Variants in ABI3BP observed in about 807,000 individuals in gnomAD.
ABI3BP encodes the protein ABI family member 3 binding protein.
ABI3BP carries 216 observed loss-of-function variants against 268.6 expected under a neutral mutation model. The observed-to-expected ratio is 0.80, with a 90% CI of 0.72 to 0.90. The LOEUF is 0.90. Ranked by LOEUF, ABI3BP falls within the 40% of genes least tolerant of loss-of-function variation. The pLI, the probability that ABI3BP is intolerant of heterozygous loss-of-function variation, is 0.00. For missense variants in ABI3BP, 2,090 were observed against 2,182.4 expected (o/e 0.96, Z 0.84); for synonymous variants, 730 against 730.0 (o/e 1.00, Z 0.00).
Position 100,833,153 on chromosome 3 carries a change from A to G in ABI3BP, c.2286T>C (p.Phe762=), listed in dbSNP as rs1304708362. 2.0e-6 allele frequency: 3 copies of G among 1,534,540 alleles called. No individual in the cohort carries two copies. Among genetic ancestry groups the G allele is most frequent in the Non-Finnish European group, 2.6e-6 (3 of 1,145,892 alleles). Residue 762 remains phenylalanine, a synonymous_variant, in exon 30 of 68, where the codon TTT becomes TTC. Transcript: ENST00000471714. ...AAGATGTCCCAGGAGTAATAGGTCCAAAGTCTGTAGCAAGAAATGATCAAA... is the reference window on the plus strand; with the variant it reads ...AAGATGTCCCAGGAGTAATAGGTCCGAAGTCTGTAGCAAGAAATGATCAAA... ...RPETLQTKLD[F]GPITPGTSSA...
At chr3:100,962,740 G>T (rs1358359150) in intron 1 of ABI3BP, among the ~76,000 whole-genome samples, 3 of 152,080 alleles carry the variant, frequency 2.0e-5, no homozygotes, top group African/African-American at 7.2e-5. Flanking sequence ...CTCTCCATAA[G>T]CTCAAACTCA....
At chr3:100,895,252 A>G (rs1169839962) in intron 4 of ABI3BP, among the ~76,000 whole-genome samples, 5 of 152,114 alleles carry the variant, frequency 3.3e-5, no homozygotes, top group Non-Finnish European at 1.5e-5. Context: ...ATTAAGAATA[A>G]AAACTGTAAA....
chr3:100,881,833 A>T (rs1242211000), intron 6 of ABI3BP, among the ~76,000 whole-genome samples: 3 of 152,164 alleles, frequency 2.0e-5, no homozygotes, highest in African/African-American at 7.2e-5. Context: ...CAATATTGAA[A>T]ACATTTAACA....
intron 1 of ABI3BP, among the ~76,000 whole-genome samples, chr3:100,986,127 T>A (rs2091681401): frequency 6.6e-6 from 1 of 152,156 alleles, no homozygotes; most frequent in South Asian, 2.1e-4. Context: ...TACATTTTGA[T>A]GAAGCAAGTG....
chr3:100,777,644 G>C (rs1560004174), intron 59 of ABI3BP, among the ~76,000 whole-genome samples: 1 of 152,148 alleles, frequency 6.6e-6, no homozygotes, highest in Non-Finnish European at 1.5e-5. Context: ...AGGAGTCAGG[G>C]GAGGTTTTTA....
At chr3:100,927,571 T>C (rs1399797083) in intron 1 of ABI3BP, among the ~76,000 whole-genome samples, 1 of 152,156 alleles carries the variant, frequency 6.6e-6, no homozygotes, top group Non-Finnish European at 1.5e-5. Context: ...CAGGGAACTT[T>C]CATGGCAGAA....
At chr3:100,821,213 T>C in intron 38 of ABI3BP, 100 bp from the exon 39 acceptor site, 3 of 949,040 alleles carry the variant, frequency 3.2e-6, no homozygotes, top group Non-Finnish European at 4.7e-6. Flanking sequence ...ATACAGCTTA[T>C]AGAATTATAT....
At chr3:100,756,554 C>T (rs964109301) in intron 63 of ABI3BP, among the ~76,000 whole-genome samples, 7 of 152,064 alleles carry the variant, frequency 4.6e-5, no homozygotes, top group Non-Finnish European at 2.9e-5. Flanking sequence ...ACAAAAAAGC[C>T]CATAGAACTA....
In ABI3BP at chr3:100,909,389, A is replaced by AT. The variant is rs368200260; in HGVS notation, c.260-6704_260-6703insA. Among the ~76,000 whole-genome samples the AT allele has an allele frequency of 4.2e-3, 643 of 152,202 alleles. 4 individuals are homozygous for AT. Among genetic ancestry groups the AT allele is most frequent in the African/African-American group, 0.014 (596 of 41,552 alleles). On this transcript the variant is annotated intron_variant, in intron 2 of 67. Transcript: ENST00000471714. ...CTAAAACACCAAAAGCAATGGCAAAAAAAAAAAGCCAAAATAGTCAAATGG... is the reference window on the plus strand; with the variant it reads ...CTAAAACACCAAAAGCAATGGCAAAATAAAAAAAGCCAAAATAGTCAAATGG...
chr3:100,922,553 T>C (rs2021419), intron 2 of ABI3BP, among the ~76,000 whole-genome samples: 40,644 of 145,604 alleles, frequency 0.28, 6,682 homozygotes, highest in East Asian at 0.49. Flanking sequence ...ATGGTGATGG[T>C]GATGGCGATG....
chr3:100,841,194 C>CTTTTTTTTTTTTTTTTTTTTTTTTTTT (rs60261694), intron 21 of ABI3BP, among the ~76,000 whole-genome samples: 1 of 39,606 alleles, frequency 2.5e-5, no homozygotes, highest in Non-Finnish European at 4.3e-5. Flanking sequence ...CATTAGAACA[C>CTTTTTTTTTTTTTTTTTTTTTTTTTTT]TTTTTTTTTT....
At position 100,908,115 on chromosome 3, in the gene ABI3BP, TAAAAAAA is replaced by T. The variant is rs370167303; in HGVS notation, c.260-5436_260-5430del. On this transcript the variant is annotated intron_variant, in intron 2 of 67. Coordinates refer to ENST00000471714, the MANE Select transcript of ABI3BP (RefSeq NM_001375547.2). ...TGGGTGACAGAGCAAAGACTCTGTC[TAAAAAAA>T]AAAAAAAGAAAAAAGAAAAAAAAGT... 4.0e-4 allele frequency among the ~76,000 whole-genome samples: 47 copies of T among 118,266 alleles called. No homozygotes were observed. The East Asian group carries it at 7.0e-3, about 18-fold the overall frequency. 77.6% of individuals were successfully genotyped at this position (118,266 alleles called of 152,430 possible). A position where few individuals can be genotyped will look rare whatever the true frequency, so the allele number is the denominator to read the frequency against.
Position 100,850,132 on chromosome 3 carries a change from A to G in ABI3BP, c.1427-13T>C. ...GTTTCACTTGGAGCTGAAAGCACAA[A>G]CACCCCAACCCATCAAATAATCCCA... On this transcript the variant is annotated splice_polypyrimidine_tract_variant and intron_variant, in intron 16 of 67. Coordinates refer to ENST00000471714, the MANE Select transcript of ABI3BP (RefSeq NM_001375547.2). 1.2e-6 allele frequency: 2 copies of G among 1,600,864 alleles called. No homozygotes were observed. Among genetic ancestry groups the G allele is most frequent in the Non-Finnish European group, 1.7e-6 (2 of 1,173,068 alleles).
At chr3:100,917,190 A>G (rs2058865749) in intron 2 of ABI3BP, among the ~76,000 whole-genome samples, 1 of 152,160 alleles carries the variant, frequency 6.6e-6, no homozygotes, top group Non-Finnish European at 1.5e-5. Context: ...GGAAGGTGAG[A>G]CTCAGCTCTG....
intron 49 of ABI3BP, among the ~76,000 whole-genome samples, chr3:100,809,316 G>A (rs1456109278): frequency 1.3e-5 from 2 of 151,900 alleles, no homozygotes; most frequent in Admixed American, 6.6e-5. Context: ...CTCACAGTTC[G>A]TGATTTTCTG....
intron 1 of ABI3BP, among the ~76,000 whole-genome samples, chr3:100,950,528 T>C (rs1198826290): frequency 1.3e-5 from 2 of 150,028 alleles, no homozygotes; most frequent in African/African-American, 5.1e-5. Context: ...GTCTTGAATG[T>C]CAAGAAGGAC....
chr3:100,786,947 A>C (rs1213508300), intron 57 of ABI3BP, among the ~76,000 whole-genome samples: 1 of 152,176 alleles, frequency 6.6e-6, no homozygotes. Context: ...GGTATTATTC[A>C]CATCTCTTTT....
intron 27 of ABI3BP, among the ~76,000 whole-genome samples, chr3:100,836,634 C>T (rs550514777): frequency 7.0e-4 from 107 of 152,216 alleles, no homozygotes; most frequent in African/African-American, 2.4e-3. Flanking sequence ...AATTTTGCAT[C>T]GCAAGATGAA....
intron 1 of ABI3BP, among the ~76,000 whole-genome samples, chr3:100,971,122 G>C (rs1562182532): frequency 6.6e-6 from 1 of 152,180 alleles, no homozygotes; most frequent in South Asian, 2.1e-4. Flanking sequence ...TGCCTCGCAA[G>C]TGTCAGGCAA....
Sources: allele counts gnomAD v4.1 joint callset (sites outside exome capture counted in the v4.1 genomes callset), GRCh38; gene constraint gnomAD v4.1.1; transcripts MANE v1.5; gene names NCBI Gene and HGNC (gene_info 2026-07-23, HGNC 2026-07-21).